Variants in TAFA4 observed in about 807,000 individuals in gnomAD.
The protein encoded by TAFA4 is chemokine-like protein TAFA-4.
In TAFA4, 20 loss-of-function variants were observed where a neutral mutation model predicts 21.1. That is an observed-to-expected ratio of 0.95 (90% CI 0.67 to 1.38). TAFA4 has a LOEUF of 1.38. TAFA4 is among the 40% of genes most tolerant of loss of function. TAFA4 has a pLI of 0.00. For synonymous variants in TAFA4, 71 were observed against 67.4 expected, an observed-to-expected ratio of 1.05 and a Z score of -0.26; for missense variants, 211 against 180.9, an observed-to-expected ratio of 1.17 and a Z score of -0.95.
chr3:68,829,808 G>C (rs1453795406), intron 3 of TAFA4, among the ~76,000 whole-genome samples: 1 of 152,054 alleles, frequency 6.6e-6, no homozygotes, highest in South Asian at 2.1e-4. Flanking sequence ...GCTTGAATCT[G>C]TCCGGTCCTG....
intron 3 of TAFA4, among the ~76,000 whole-genome samples, chr3:68,867,137 C>T (rs1305362415): frequency 6.6e-6 from 1 of 151,836 alleles, no homozygotes; most frequent in Non-Finnish European, 1.5e-5. Context: ...AGATAATAAT[C>T]AAACTCTCAA....
At chr3:68,864,750 C>A (rs532236800) in intron 3 of TAFA4, among the ~76,000 whole-genome samples, 1 of 151,718 alleles carries the variant, frequency 6.6e-6, no homozygotes, top group Non-Finnish European at 1.5e-5. Flanking sequence ...TACTACTCAG[C>A]AATAAAAAGA....
At chr3:68,748,743 C>CAAA (rs780362480) in intron 4 of TAFA4, among the ~76,000 whole-genome samples, 3 of 60,024 alleles carry the variant, frequency 5.0e-5, no homozygotes, top group Non-Finnish European at 7.3e-5. Context: ...GACTCCGTCT[C>CAAA]AAAAAAAAAA....
intron 3 of TAFA4, among the ~76,000 whole-genome samples, chr3:68,776,058 T>G (rs111470789): frequency 0.02 from 3,089 of 152,020 alleles, 120 homozygotes; most frequent in African/African-American, 0.07. Context: ...AAGTAGAATT[T>G]CAAAAAGTAT....
chr3:68,797,273 A>G (rs1316867047), intron 3 of TAFA4, among the ~76,000 whole-genome samples: 2 of 152,154 alleles, frequency 1.3e-5, no homozygotes, highest in East Asian at 3.9e-4. Flanking sequence ...ATGAATGAAT[A>G]AACAAAATGT....
chr3:68,917,183 C>G (rs541783713), intron 1 of TAFA4, among the ~76,000 whole-genome samples: 1 of 152,278 alleles, frequency 6.6e-6, no homozygotes, highest in South Asian at 2.1e-4. Flanking sequence ...AAGATTCCAC[C>G]CCAACCTCTT....
At chr3:68,928,916 T>A (rs1174291083) in intron 1 of TAFA4, among the ~76,000 whole-genome samples, 1 of 151,746 alleles carries the variant, frequency 6.6e-6, no homozygotes, top group Non-Finnish European at 1.5e-5. Flanking sequence ...AAAGGTGAAA[T>A]CTGAGGTACT....
chr3:68,790,226 A>C (rs1272637548), intron 3 of TAFA4, among the ~76,000 whole-genome samples: 1 of 152,150 alleles, frequency 6.6e-6, no homozygotes, highest in Non-Finnish European at 1.5e-5. Context: ...TCTAATGCAG[A>C]CTTTGAAAGA....
chr3:68,873,198 A>C (rs2089506529), intron 3 of TAFA4, among the ~76,000 whole-genome samples: 1 of 152,062 alleles, frequency 6.6e-6, no homozygotes, highest in South Asian at 2.1e-4. Flanking sequence ...CAAATTCCAG[A>C]TCAGTACAAC....
chr3:68,912,418 G>A (rs77654285), intron 1 of TAFA4, among the ~76,000 whole-genome samples: 1,942 of 152,292 alleles, frequency 0.013, 22 homozygotes, highest in Middle Eastern at 0.027. Flanking sequence ...ACTACTGGCC[G>A]CTAATTAAAT....
intron 3 of TAFA4, among the ~76,000 whole-genome samples, chr3:68,859,080 T>G (rs1275897771): frequency 6.6e-6 from 1 of 152,002 alleles, no homozygotes; most frequent in Non-Finnish European, 1.5e-5. Flanking sequence ...TTCAGTGTTG[T>G]GCCAATTTAG....
At chr3:68,924,935 C>G (rs2090093420) in intron 1 of TAFA4, among the ~76,000 whole-genome samples, 1 of 152,176 alleles carries the variant, frequency 6.6e-6, no homozygotes, top group South Asian at 2.1e-4. Context: ...AACCAATGAG[C>G]TTTCTAAATC....
chr3:68,853,607 C>T (rs915889632), intron 3 of TAFA4, among the ~76,000 whole-genome samples: 4 of 152,184 alleles, frequency 2.6e-5, no homozygotes, highest in African/African-American at 9.7e-5. Context: ...CACCCTTCTA[C>T]ATTTTCCTCC....
chr3:68,864,752 A>G, intron 3 of TAFA4, among the ~76,000 whole-genome samples: 1 of 152,192 alleles, frequency 6.6e-6, no homozygotes, highest in East Asian at 1.9e-4. Context: ...CTACTCAGCA[A>G]TAAAAAGAAA....
chr3:68,917,213 T>G (rs572376903), intron 1 of TAFA4, among the ~76,000 whole-genome samples: 11 of 152,300 alleles, frequency 7.2e-5, no homozygotes. Context: ...CTTTCACCCC[T>G]AGTGAGGAAA....
At chr3:68,910,017 C>G (rs1345334258) in intron 1 of TAFA4, among the ~76,000 whole-genome samples, 1 of 152,208 alleles carries the variant, frequency 6.6e-6, no homozygotes, top group African/African-American at 2.4e-5. Flanking sequence ...TTTGCTGGCT[C>G]TAAGCCAGAG....
intron 3 of TAFA4, among the ~76,000 whole-genome samples, chr3:68,869,075 C>T (rs988498154): frequency 6.6e-6 from 1 of 151,632 alleles, no homozygotes; most frequent in East Asian, 1.9e-4. Flanking sequence ...AATGGATCAT[C>T]AACAGCTATA....
At chr3:68,852,552 G>A (rs1704974253) in intron 3 of TAFA4, among the ~76,000 whole-genome samples, 2 of 152,150 alleles carry the variant, frequency 1.3e-5, no homozygotes, top group African/African-American at 4.8e-5. Flanking sequence ...CTGACTCCAT[G>A]ACTGTCTCAA....
In TAFA4 at chr3:68,907,288, A is replaced by G. The variant is rs560204181; in HGVS notation, c.-122-21978T>C. ...AAGGTGGAGGCAAAGATATGCACCA[A>G]CTGTCATTCTCAGTAGAATAGCTTT... On this transcript the variant is annotated intron_variant, in intron 1 of 5. Coordinates refer to ENST00000295569, the MANE Select transcript of TAFA4 (RefSeq NM_182522.5). 5.9e-4 allele frequency among the ~76,000 whole-genome samples: 90 copies of G among 152,292 alleles called. 1 individual carries two copies. In the South Asian group the frequency reaches 0.017, roughly 29 times the overall value.
Sources: allele counts gnomAD v4.1 joint callset (sites outside exome capture counted in the v4.1 genomes callset), GRCh38; gene constraint gnomAD v4.1.1; transcripts MANE v1.5; gene names NCBI Gene and HGNC (gene_info 2026-07-23, HGNC 2026-07-21).